The following RAF1 variants were observed in gnomAD, a reference collection of about 807,000 sequenced individuals.
The protein encoded by RAF1 is RAF proto-oncogene serine/threonine-protein kinase.
In RAF1, 27 loss-of-function variants were observed where a neutral mutation model predicts 81.1. The ratio of observed to expected loss-of-function variants is 0.33; its 90% CI spans 0.25 to 0.46. The LOEUF (loss-of-function observed/expected upper bound fraction) is 0.46, where lower values mean the gene tolerates loss of function less well. RAF1 is among the 20% of genes least tolerant of loss of function. The pLI is 1.00. For missense variants in RAF1, 598 were observed against 826.0 expected (o/e 0.72, Z 3.38); for synonymous variants, 298 against 294.0 (o/e 1.01, Z -0.14).
Position 12,644,525 on chromosome 3 carries a change from AAG to A in RAF1, c.-27+19286_-27+19287del, listed in dbSNP as rs1325090785. Reference sequence around the variant, plus strand: ...TACAAGTCCTAAAACTTCTGTCCAAAAGAGAGTCAAGAAGCAGCTGGACAAAC... The same window carrying A: ...TACAAGTCCTAAAACTTCTGTCCAAAAGAGTCAAGAAGCAGCTGGACAAAC... On this transcript the variant is annotated intron_variant, in intron 1 of 17. Coordinates refer to ENST00000442415, the MANE Select transcript of RAF1 (RefSeq NM_001354689.3). Among the ~76,000 whole-genome samples the A allele has an allele frequency of 7.9e-5, 12 of 152,282 alleles. No homozygotes were observed. In the East Asian group the frequency reaches 1.9e-3, roughly 24 times the overall value.
rs2058237736 is a variant in RAF1 at position 12,584,158 on chromosome 3, T to A, written c.*356A>T. On this transcript the variant is annotated 3_prime_UTR_variant, in exon 18 of 18. Transcript: ENST00000442415. ...ATGTGTCTCCACATCAGGGCTGGAC[T>A]GCCTGCTACCTTACTTCCTCTAAAT... 2.5e-6 allele frequency: 1 copy of A among 396,168 alleles called. No individual in the cohort carries two copies. The highest frequency in any genetic ancestry group is 2.0e-5 in the African/African-American group (1 of 50,694). 24.5% of individuals were successfully genotyped at this position (396,168 alleles called of 1,614,324 possible). A position where few individuals can be genotyped will look rare whatever the true frequency, so the allele number is the denominator to read the frequency against.
At chr3:12,599,854 A>G (rs776671518) in intron 10 of RAF1, 46 bp from the exon 10 acceptor site, 1 of 1,439,602 alleles carries the variant, frequency 6.9e-7, no homozygotes, top group Admixed American at 1.7e-5. Context: ...AATGGTAATA[A>G]TCTTTTGATA....
chr3:12,590,753 A>C, intron 13 of RAF1, 45 bp downstream of exon 12: 1 of 1,570,478 alleles, frequency 6.4e-7, no homozygotes, highest in East Asian at 2.2e-5. Flanking sequence ...TTTAGGGACA[A>C]ATTTGATGCC....
intron 1 of RAF1, among the ~76,000 whole-genome samples, chr3:12,661,463 G>A (rs889742680): frequency 5.9e-5 from 9 of 151,652 alleles, no homozygotes. Context: ...CAGCGAGGCC[G>A]TGGGAGGCCG....
chr3:12,623,797 C>CAAAAA (rs71063844), intron 1 of RAF1, among the ~76,000 whole-genome samples: 1 of 121,626 alleles, frequency 8.2e-6, no homozygotes, highest in Non-Finnish European at 1.7e-5. Flanking sequence ...GACTCTGTCT[C>CAAAAA]AAAAAAAAAA....
chr3:12,587,682 G>A lies in RAF1; in HGVS notation c.1431-45C>T, dbSNP rs3730275. ...TATTAAAAATAAGTTTGAGGGGCAT[G>A]AGTAGAAAGCAGTTTTAAACTACAG... On this transcript the variant is annotated intron_variant, in intron 13 of 17. Coordinates refer to ENST00000442415, the MANE Select transcript of RAF1 (RefSeq NM_001354689.3). 11,105 of 1,514,758 alleles carry A rather than the reference G, an allele frequency of 7.3e-3. 649 individuals are homozygous for A. The African/African-American group carries it at 0.13, about 18-fold the overall frequency. 93.8% of individuals were successfully genotyped at this position (1,514,758 alleles called of 1,614,324 possible).
intron 1 of RAF1, among the ~76,000 whole-genome samples, chr3:12,626,989 A>G (rs551018581): frequency 6.8e-6 from 1 of 146,468 alleles, no homozygotes; most frequent in East Asian, 2.0e-4. Flanking sequence ...GTGCCATTGC[A>G]CTCCAGCCTG....
intron 1 of RAF1, among the ~76,000 whole-genome samples, chr3:12,627,748 T>C (rs1441282506): frequency 6.6e-6 from 1 of 152,244 alleles, no homozygotes. Context: ...ATGACTGTTA[T>C]GGTGTAAATT....
intron 1 of RAF1, among the ~76,000 whole-genome samples, chr3:12,620,136 ATTTTCTTTTC>A (rs569177072): frequency 2.6e-5 from 4 of 151,688 alleles, no homozygotes; most frequent in Non-Finnish European, 4.4e-5. Flanking sequence ...AACCCCAAAG[ATTTTCTTTTC>A]TTTTCTTTTC....
chr3:12,590,458 G>A (rs2058478119), intron 13 of RAF1: 4 of 281,712 alleles, frequency 1.4e-5, no homozygotes, highest in Admixed American at 1.3e-4. Context: ...TTGAGTAGCT[G>A]GGATTATAGG....
At chr3:12,645,599 G>A (rs573792401) in intron 1 of RAF1, among the ~76,000 whole-genome samples, 1 of 152,122 alleles carries the variant, frequency 6.6e-6, no homozygotes, top group South Asian at 2.1e-4. Context: ...TGAAACCTAG[G>A]ACTTAATTTT....
At chr3:12,639,439 T>C (rs986466383) in intron 1 of RAF1, among the ~76,000 whole-genome samples, 3 of 152,156 alleles carry the variant, frequency 2.0e-5, no homozygotes, top group African/African-American at 7.2e-5. Context: ...ATTGTCCCTG[T>C]TTGCAGATGA....
At chr3:12,614,012 A>G (rs2059297171) in intron 2 of RAF1, among the ~76,000 whole-genome samples, 1 of 152,224 alleles carries the variant, frequency 6.6e-6, no homozygotes, top group South Asian at 2.1e-4. Flanking sequence ...GGAGTTTGTG[A>G]TAGCCTCCTT....
chr3:12,599,889 A>G, intron 10 of RAF1, 81 bp from the exon 10 acceptor site: 2 of 1,233,538 alleles, frequency 1.6e-6, no homozygotes, highest in South Asian at 1.2e-5. Context: ...GGATCAACCC[A>G]TGTCATCTGT....
intron 1 of RAF1, among the ~76,000 whole-genome samples, chr3:12,642,719 C>CACACACAA (rs1491570753): frequency 6.4e-4 from 91 of 141,466 alleles, no homozygotes; most frequent in East Asian, 6.1e-3. Flanking sequence ...CACACACACA[C>CACACACAA]AAAATAGCTG....
intron 1 of RAF1, among the ~76,000 whole-genome samples, chr3:12,635,659 A>G (rs7610956): frequency 0.16 from 19,562 of 120,872 alleles, 1,681 homozygotes; most frequent in African/African-American, 0.23. Flanking sequence ...AAAAAAAAAA[A>G]AGAGAGAGAG....
chr3:12,632,192 C>A (rs1414520629), intron 1 of RAF1, among the ~76,000 whole-genome samples: 1 of 151,878 alleles, frequency 6.6e-6, no homozygotes, highest in Admixed American at 6.6e-5. Flanking sequence ...GACACAGTGG[C>A]GCATGCCTGT....
chr3:12,598,712 C>T (rs1279824435), intron 11 of RAF1, among the ~76,000 whole-genome samples: 1 of 75,416 alleles, frequency 1.3e-5, no homozygotes, highest in South Asian at 4.3e-4. Flanking sequence ...GGCAACAGAG[C>T]AAGAATCTAT....
In RAF1 at chr3:12,594,083, C is replaced by T. The variant is rs375188197; in HGVS notation, c.1169-2291G>A. ...AAACCTGAGCTGTGTTTAGTAAACT[C>T]TAGGGTAGGATTTGGACACCTGTAG... On this transcript the variant is annotated intron_variant, in intron 11 of 17. Transcript: ENST00000442415. Among the ~76,000 whole-genome samples the T allele has an allele frequency of 1.6e-4, 24 of 152,144 alleles. 2 individuals carry two copies. The highest frequency in any genetic ancestry group is 5.9e-4 in the Admixed American group (9 of 15,276).
Sources: allele counts gnomAD v4.1 joint callset (sites outside exome capture counted in the v4.1 genomes callset), GRCh38; gene constraint gnomAD v4.1.1; transcripts MANE v1.5; gene names NCBI Gene and HGNC (gene_info 2026-07-23, HGNC 2026-07-21).